Variants in AUH observed in about 807,000 individuals in gnomAD.
The protein encoded by AUH is AU RNA binding methylglutaconyl-CoA hydratase, also known as methylglutaconyl-CoA hydratase, mitochondrial.
In AUH, 29 loss-of-function variants were observed where a neutral mutation model predicts 42.3. The ratio of observed to expected loss-of-function variants is 0.69; its 90% CI spans 0.51 to 0.93. AUH has a LOEUF of 0.93. AUH is among the 40% of genes least tolerant of loss of function. The probability of loss-of-function intolerance (pLI) is 0.00; values close to 1 mark genes in which losing one functional copy is unlikely to be tolerated. For missense variants in AUH, 452 were observed against 438.1 expected, an observed-to-expected ratio of 1.03 and a Z score of -0.28; for synonymous variants, 174 against 166.4, an observed-to-expected ratio of 1.05 and a Z score of -0.35.
At chr9:91,346,884 T>A (rs1831552045) in intron 3 of AUH, among the ~76,000 whole-genome samples, 1 of 152,060 alleles carries the variant, frequency 6.6e-6, no homozygotes, top group African/African-American at 2.4e-5. Flanking sequence ...AAACACTTTA[T>A]TTACTATATG....
At chr9:91,286,720 T>TAAA (rs139430663) in intron 6 of AUH, among the ~76,000 whole-genome samples, 6 of 132,596 alleles carry the variant, frequency 4.5e-5, no homozygotes, top group African/African-American at 5.6e-5. Flanking sequence ...CTGAATTCTC[T>TAAA]AAAAAAAAAA....
rs143281545 is a variant in AUH at position 91,347,938 on chromosome 9, A to C, written c.418+7945T>G. Among the ~76,000 whole-genome samples, 457 of 152,046 alleles carry C rather than the reference A, an allele frequency of 3.0e-3. 3 individuals carry two copies. The highest frequency in any genetic ancestry group is 0.01 in the African/African-American group (434 of 41,558). On this transcript the variant is annotated intron_variant, in intron 3 of 9. Transcript: ENST00000375731. ...TAATAAAAAAAAGAAACAATATGTA[A>C]ATTTTTAAAAAATCAGTCTTCACAT...
At position 91,246,723 on chromosome 9, in the gene AUH, T is replaced by C. The variant is rs116326497; in HGVS notation, c.656-25731A>G. Among the ~76,000 whole-genome samples, 543 of 152,342 alleles carry C rather than the reference T, an allele frequency of 3.6e-3. 7 individuals are homozygous for C. The highest frequency in any genetic ancestry group is 0.013 in the African/African-American group (520 of 41,566). On this transcript the variant is annotated intron_variant, in intron 6 of 9. Transcript: ENST00000375731. Reference sequence around the variant, plus strand: ...AGGTGGTATATGCACACAATGAAGTTAGAAGCTAAGCAAATAAACGTTAAG... The same window carrying C: ...AGGTGGTATATGCACACAATGAAGTCAGAAGCTAAGCAAATAAACGTTAAG...
At chr9:91,222,995 G>C (rs1474565618) in intron 6 of AUH, among the ~76,000 whole-genome samples, 2 of 152,182 alleles carry the variant, frequency 1.3e-5, no homozygotes, top group Non-Finnish European at 2.9e-5. Flanking sequence ...GATTTTTGCA[G>C]AAACTTAACA....
chr9:91,232,928 G>A (rs1827970046), intron 6 of AUH, among the ~76,000 whole-genome samples: 1 of 152,324 alleles, frequency 6.6e-6, no homozygotes, highest in Admixed American at 6.5e-5. Context: ...GTAAGTAATT[G>A]CAATCATCAC....
At chr9:91,267,577 G>A (rs757489370) in intron 6 of AUH, among the ~76,000 whole-genome samples, 8 of 152,102 alleles carry the variant, frequency 5.3e-5, no homozygotes, top group Non-Finnish European at 1.0e-4. Context: ...TTCCGCAAGT[G>A]GAAAGCAAGT....
intron 6 of AUH, among the ~76,000 whole-genome samples, chr9:91,264,153 A>G (rs1477062983): frequency 6.6e-6 from 1 of 152,188 alleles, no homozygotes; most frequent in African/African-American, 2.4e-5. Context: ...GTGTGTGTAT[A>G]TACACAATTT....
chr9:91,249,292 CAAAAAAAAAAAAAA>C (rs59102669), intron 6 of AUH, among the ~76,000 whole-genome samples: 33 of 32,534 alleles, frequency 1.0e-3, no homozygotes, highest in African/African-American at 1.6e-3. Flanking sequence ...GAACCTGTCT[CAAAAAAAAAAAAAA>C]AAAAAAAAAA....
intron 4 of AUH, among the ~76,000 whole-genome samples, chr9:91,319,008 A>C (rs1829370401): frequency 6.6e-6 from 1 of 152,202 alleles, no homozygotes; most frequent in South Asian, 2.1e-4. Flanking sequence ...TTTCTTCTTG[A>C]GACAGAAGTT....
chr9:91,264,121 C>CACACATATA (rs1245322788), intron 6 of AUH, among the ~76,000 whole-genome samples: 6 of 152,146 alleles, frequency 3.9e-5, no homozygotes, highest in African/African-American at 1.2e-4. Flanking sequence ...TATATATACA[C>CACACATATA]ACACATATAT....
chr9:91,361,509 G>A (rs1186179452), intron 1 of AUH, 119 bp downstream of exon 1: 9 of 1,391,290 alleles, frequency 6.5e-6, no homozygotes, highest in Middle Eastern at 2.5e-4. Context: ...AGGGACCCAG[G>A]TTCGGTGCGC....
intron 6 of AUH, among the ~76,000 whole-genome samples, chr9:91,228,200 G>A (rs898783809): frequency 6.6e-6 from 1 of 152,102 alleles, no homozygotes; most frequent in Non-Finnish European, 1.5e-5. Context: ...TTTTTGGTTG[G>A]TAAGCTATTG....
intron 4 of AUH, among the ~76,000 whole-genome samples, chr9:91,301,119 C>G (rs1827751005): frequency 6.6e-6 from 1 of 152,030 alleles, no homozygotes; most frequent in Non-Finnish European, 1.5e-5. Context: ...AAGAAATAAA[C>G]ATATGCAGTC....
chr9:91,340,411 T>C (rs1831021632), intron 3 of AUH, among the ~76,000 whole-genome samples: 1 of 152,344 alleles, frequency 6.6e-6, no homozygotes, highest in African/African-American at 2.4e-5. Context: ...AATACTGGTA[T>C]TAATCATGTT....
intron 7 of AUH, among the ~76,000 whole-genome samples, chr9:91,219,296 C>T (rs1320350418): frequency 2.6e-5 from 4 of 152,202 alleles, no homozygotes; most frequent in Admixed American, 2.6e-4. Context: ...GGAGCGGGCT[C>T]TGCAGATCAT....
At chr9:91,239,228 G>A (rs1395536974) in intron 6 of AUH, among the ~76,000 whole-genome samples, 1 of 151,762 alleles carries the variant, frequency 6.6e-6, no homozygotes, top group Non-Finnish European at 1.5e-5. Flanking sequence ...TGATAAAGGG[G>A]GATGCTCATA....
At chr9:91,272,835 A>C (rs1189311929) in intron 6 of AUH, among the ~76,000 whole-genome samples, 1 of 152,058 alleles carries the variant, frequency 6.6e-6, no homozygotes, top group Non-Finnish European at 1.5e-5. Flanking sequence ...CTTACAAACC[A>C]AAAAAAACTT....
chr9:91,339,903 T>C (rs940396707), intron 3 of AUH, among the ~76,000 whole-genome samples: 1 of 152,206 alleles, frequency 6.6e-6, no homozygotes, highest in Non-Finnish European at 1.5e-5. Context: ...ACTGTGGTCT[T>C]GCTGATCGAG....
chr9:91,238,950 T>C (rs2131328773), intron 6 of AUH, among the ~76,000 whole-genome samples: 1 of 152,368 alleles, frequency 6.6e-6, no homozygotes, highest in Non-Finnish European at 1.5e-5. Flanking sequence ...CCAAAAGACC[T>C]AAATTCAAAG....
Sources: allele counts gnomAD v4.1 joint callset (sites outside exome capture counted in the v4.1 genomes callset), GRCh38; gene constraint gnomAD v4.1.1; transcripts MANE v1.5; gene names NCBI Gene and HGNC (gene_info 2026-07-23, HGNC 2026-07-21).